The following EEFSEC variants were observed in gnomAD, a reference collection of about 807,000 sequenced individuals.
The protein encoded by EEFSEC is selenocysteine-specific elongation factor.
EEFSEC carries 43 observed loss-of-function variants against 42.1 expected under a neutral mutation model. The ratio of observed to expected loss-of-function variants is 1.02; its 90% CI spans 0.80 to 1.32. The LOEUF is 1.32. EEFSEC is among the 40% of genes most tolerant of loss of function. EEFSEC has a pLI of 0.00. For synonymous variants in EEFSEC, 354 were observed against 339.1 expected, an observed-to-expected ratio of 1.04 and a Z score of -0.48; for missense variants, 745 against 803.6, an observed-to-expected ratio of 0.93 and a Z score of 0.88.
chr3:128,372,831 G>A (rs1164652591), intron 6 of EEFSEC, among the ~76,000 whole-genome samples: 2 of 152,212 alleles, frequency 1.3e-5, no homozygotes, highest in African/African-American at 2.4e-5. Flanking sequence ...AGGGTGAAGG[G>A]TGCTGGGCCC....
intron 5 of EEFSEC, among the ~76,000 whole-genome samples, chr3:128,349,267 G>C (rs879283616): frequency 6.6e-6 from 1 of 152,140 alleles, no homozygotes; most frequent in Non-Finnish European, 1.5e-5. Context: ...TATGGGGGGT[G>C]TTCTAGGTCA....
chr3:128,246,849 T>C lies in EEFSEC; in HGVS notation c.330T>C (p.Ile110=). 6.2e-7 allele frequency: 1 copy of C among 1,613,978 alleles called. No homozygotes were observed. The highest frequency in any genetic ancestry group is 8.5e-7 in the Non-Finnish European group (1 of 1,179,944). ...CTCTTATTCCAGGGGCCCAGATCAT[T>C]GATCTGATGATGCTGGTCATCGATG... ...IRTIIGGAQI[I]DLMMLVIDVT... The change falls in exon 2 of 7, where the codon ATT becomes ATC. Residue 110 remains isoleucine, a synonymous_variant. Transcript: ENST00000254730.
intron 1 of EEFSEC, among the ~76,000 whole-genome samples, chr3:128,160,663 G>A (rs577199132): frequency 6.6e-6 from 1 of 152,312 alleles, no homozygotes; most frequent in South Asian, 2.1e-4. Context: ...TACTGTGAAA[G>A]ATTTAGACCC....
chr3:128,330,694 C>T (rs1416471524), intron 4 of EEFSEC, among the ~76,000 whole-genome samples: 2 of 152,026 alleles, frequency 1.3e-5, no homozygotes, highest in Non-Finnish European at 2.9e-5. Context: ...CTTGGGAATC[C>T]GAGCCCAGCC....
Position 128,317,969 on chromosome 3 carries a change from G to A in EEFSEC, c.787-23264G>A, listed in dbSNP as rs1204262863. Reference sequence around the variant, plus strand: ...CTTGCCATGTGGGCCATGGGAACTGGTTGTTAGGTGACTGTGCACTCCAGG... The same window carrying A: ...CTTGCCATGTGGGCCATGGGAACTGATTGTTAGGTGACTGTGCACTCCAGG... On this transcript the variant is annotated intron_variant, in intron 4 of 6. Transcript: ENST00000254730. This position sits in a 1 kb window ranked among gnomAD's most constrained non-coding sequence, Gnocchi z 4.1. 6.6e-6 allele frequency among the ~76,000 whole-genome samples: 1 copy of A among 152,234 alleles called. No homozygotes were observed. Among genetic ancestry groups the A allele is most frequent in the Non-Finnish European group, 1.5e-5 (1 of 68,046 alleles).
At chr3:128,313,411 G>A (rs971812315) in intron 4 of EEFSEC, among the ~76,000 whole-genome samples, 21 of 152,236 alleles carry the variant, frequency 1.4e-4, no homozygotes, top group African/African-American at 3.6e-4. Flanking sequence ...CCATGTGGGA[G>A]CCACGGGTGG....
chr3:128,400,367 G>C (rs2068034983), intron 6 of EEFSEC, among the ~76,000 whole-genome samples: 1 of 152,314 alleles, frequency 6.6e-6, no homozygotes, highest in South Asian at 2.1e-4. Flanking sequence ...CTAGGGCCCA[G>C]TATCCAGTTC....
At chr3:128,296,799 T>C (rs1416861129) in intron 4 of EEFSEC, among the ~76,000 whole-genome samples, 1 of 152,218 alleles carries the variant, frequency 6.6e-6, no homozygotes, top group Admixed American at 6.5e-5. Flanking sequence ...CCAGTTGGCA[T>C]AGGTGTGGCT....
At chr3:128,237,850 C>T (rs553985695) in intron 1 of EEFSEC, among the ~76,000 whole-genome samples, 1 of 152,166 alleles carries the variant, frequency 6.6e-6, no homozygotes, top group Non-Finnish European at 1.5e-5. Context: ...TCCTTTGGCT[C>T]CCTCCTGCAG....
At chr3:128,222,534 T>A (rs2065871345) in intron 1 of EEFSEC, among the ~76,000 whole-genome samples, 1 of 152,206 alleles carries the variant, frequency 6.6e-6, no homozygotes, top group Admixed American at 6.5e-5. Context: ...TGAGCCTTCT[T>A]CTATACCATA....
chr3:128,167,496 T>A (rs1342886891), intron 1 of EEFSEC, among the ~76,000 whole-genome samples: 2 of 152,268 alleles, frequency 1.3e-5, no homozygotes, highest in African/African-American at 4.8e-5. Flanking sequence ...AAGCTTGCCT[T>A]GAGGTTAGAC....
At chr3:128,308,805 C>T (rs2066859498) in intron 4 of EEFSEC, among the ~76,000 whole-genome samples, 1 of 152,172 alleles carries the variant, frequency 6.6e-6, no homozygotes, top group Admixed American at 6.5e-5. Context: ...GTCCTGTGCC[C>T]TAGAACCATG....
intron 1 of EEFSEC, among the ~76,000 whole-genome samples, chr3:128,203,178 T>C (rs777833416): frequency 8.5e-5 from 13 of 152,178 alleles, no homozygotes; most frequent in Non-Finnish European, 1.5e-4. Context: ...TTTGAGACAA[T>C]TTGTGAAACA....
intron 6 of EEFSEC, among the ~76,000 whole-genome samples, chr3:128,379,721 G>A (rs534762039): frequency 1.3e-5 from 2 of 152,348 alleles, no homozygotes; most frequent in East Asian, 3.9e-4. Flanking sequence ...TGATTGAGAA[G>A]GAAGTACAGA....
At chr3:128,247,346 G>A (rs978079361) in intron 2 of EEFSEC, among the ~76,000 whole-genome samples, 1 of 152,172 alleles carries the variant, frequency 6.6e-6, no homozygotes. Flanking sequence ...AGTGTGCAAG[G>A]CCTGGACTGG....
chr3:128,351,782 A>C (rs1347609315), intron 5 of EEFSEC, among the ~76,000 whole-genome samples: 1 of 152,244 alleles, frequency 6.6e-6, no homozygotes, highest in Admixed American at 6.5e-5. Flanking sequence ...CCATGTGCAC[A>C]GTGACTGCTC....
intron 4 of EEFSEC, among the ~76,000 whole-genome samples, chr3:128,275,051 G>T (rs916018247): frequency 2.0e-5 from 3 of 152,200 alleles, no homozygotes; most frequent in Admixed American, 6.5e-5. Flanking sequence ...CTCTGGGGGT[G>T]CAGTCATTTC....
intron 5 of EEFSEC, among the ~76,000 whole-genome samples, chr3:128,353,070 G>A (rs2067407941): frequency 6.6e-6 from 1 of 152,198 alleles, no homozygotes; most frequent in Admixed American, 6.5e-5. Context: ...TTAAGGGAAA[G>A]AACGTATAAC....
intron 5 of EEFSEC, among the ~76,000 whole-genome samples, chr3:128,355,199 A>G (rs1308334349): frequency 6.6e-6 from 1 of 152,024 alleles, no homozygotes; most frequent in Non-Finnish European, 1.5e-5. Flanking sequence ...TCCTCGCAGA[A>G]CTCCCAGTCC....
Sources: allele counts gnomAD v4.1 joint callset (sites outside exome capture counted in the v4.1 genomes callset), GRCh38; gene constraint gnomAD v4.1.1; non-coding constraint Gnocchi (gnomAD v3.1); transcripts MANE v1.5; gene names NCBI Gene and HGNC (gene_info 2026-07-23, HGNC 2026-07-21).